CACNA2D4: variants seen among roughly 807,000 people sequenced by gnomAD.
CACNA2D4 encodes the protein calcium voltage-gated channel auxiliary subunit alpha2delta 4, also known as voltage-dependent calcium channel subunit alpha-2/delta-4.
A neutral mutation model predicts 163.8 loss-of-function variants in CACNA2D4; 157 were observed. That is an observed-to-expected ratio of 0.96 (90% confidence interval 0.84 to 1.09). The LOEUF (loss-of-function observed/expected upper bound fraction) is 1.09. Ranked by LOEUF, CACNA2D4 falls within the 50% of genes least tolerant of loss-of-function variation. The pLI is 0.00. For missense variants in CACNA2D4, 1,410 were observed against 1,479.9 expected (o/e 0.95, Z 0.78); for synonymous variants, 598 against 586.9 (o/e 1.02, Z -0.27).
At chr12:1,800,611 A>G in intron 31 of CACNA2D4, 173 bp from the exon 32 acceptor site, 1 of 638,834 alleles carries the variant, frequency 1.6e-6, no homozygotes, top group Non-Finnish European at 2.8e-6. Context: ...CCCACCTCCC[A>G]CCTGCCCTGC....
chr12:1,916,507 G>C (rs1438211557), intron 1 of CACNA2D4, among the ~76,000 whole-genome samples: 1 of 152,214 alleles, frequency 6.6e-6, no homozygotes, highest in Admixed American at 6.5e-5. Flanking sequence ...CTCAAGGAGA[G>C]TGTGCAGCGT....
chr12:1,803,936 G>A lies in CACNA2D4; in HGVS notation c.2722-2292C>T, dbSNP rs545234927. On this transcript the variant is annotated intron_variant, in intron 29 of 37. Coordinates refer to ENST00000382722, the MANE Select transcript of CACNA2D4 (RefSeq NM_172364.5). Reference sequence around the variant, plus strand: ...GCCCTGGCAGGCTGCATGAAAGAAGGCAGTGGACATGGCAGCGGGACAGCA... The same window carrying A: ...GCCCTGGCAGGCTGCATGAAAGAAGACAGTGGACATGGCAGCGGGACAGCA... Among the ~76,000 whole-genome samples the A allele has an allele frequency of 1.2e-4, 18 of 152,294 alleles. No homozygotes were observed. In the South Asian group the frequency reaches 3.7e-3, roughly 32 times the overall value.
Position 1,838,029 on chromosome 12 carries a change from G to A in CACNA2D4, c.2551+2710C>T, listed in dbSNP as rs370498348. Among the ~76,000 whole-genome samples the A allele has an allele frequency of 6.6e-5, 10 of 152,296 alleles. 1 individual carries two copies. The highest frequency in any genetic ancestry group is 4.1e-4 in the South Asian group (2 of 4,828). On this transcript the variant is annotated intron_variant, in intron 26 of 37. Coordinates refer to ENST00000382722, the MANE Select transcript of CACNA2D4 (RefSeq NM_172364.5). Reference sequence around the variant, plus strand: ...TACAAGTCATGCTGGAAGAATGCCCGTCTGCTGGACAATCACTTGCCCGTT... The same window carrying A: ...TACAAGTCATGCTGGAAGAATGCCCATCTGCTGGACAATCACTTGCCCGTT...
intron 13 of CACNA2D4, among the ~76,000 whole-genome samples, chr12:1,881,890 A>C: frequency 6.6e-6 from 1 of 152,242 alleles, no homozygotes; most frequent in Admixed American, 6.5e-5. Context: ...GAGGTAAGTA[A>C]GCATGCCACT....
chr12:1,797,400 G>A lies in CACNA2D4; in HGVS notation c.3113+18C>T, dbSNP rs1234255028. On this transcript the variant is annotated intron_variant, in intron 35 of 37. Transcript: ENST00000382722. ...GGAGGAGTGTGGCGGGACGGGCGGC[G>A]CCGCCCTGCGGTCTTACTTCTGGCA... 7 of 1,503,000 alleles carry A rather than the reference G, an allele frequency of 4.7e-6. No individual in the cohort carries two copies. Among genetic ancestry groups the A allele is most frequent in the Middle Eastern group, 2.0e-4 (1 of 5,052 alleles). 93.1% of individuals were successfully genotyped at this position (1,503,000 alleles called of 1,614,324 possible). A position where few individuals can be genotyped will look rare whatever the true frequency, so the allele number is the denominator to read the frequency against.
Position 1,875,965 on chromosome 12 carries a change from G to A in CACNA2D4, c.1720-628C>T, listed in dbSNP as rs978093018. 4.6e-5 allele frequency among the ~76,000 whole-genome samples: 7 copies of A among 152,268 alleles called. No individual in the cohort carries two copies. Among genetic ancestry groups the A allele is most frequent in the South Asian group, 2.1e-4 (1 of 4,818 alleles). On this transcript the variant is annotated intron_variant, in intron 16 of 37. Transcript: ENST00000382722. The surrounding 1 kb of genome is among the most constrained non-coding windows in gnomAD (Gnocchi z 4.0). ...TCAGGGGGCCCTGACTGCTGCCTGCGGTTCTGCTGTTTTCCTGGCCAGCCG... is the reference window on the plus strand; with the variant it reads ...TCAGGGGGCCCTGACTGCTGCCTGCAGTTCTGCTGTTTTCCTGGCCAGCCG...
chr12:1,834,607 C>T lies in CACNA2D4; in HGVS notation c.2551+6132G>A. 2 of 1,600,092 alleles carry T rather than the reference C, an allele frequency of 1.2e-6. No individual in the cohort carries two copies. Among genetic ancestry groups the T allele is most frequent in the Non-Finnish European group, 8.5e-7 (1 of 1,179,912 alleles). Reference sequence around the variant, plus strand: ...TGGTGGTGGCCGCTGCCTATGGCTGCATCTACGCCTCCCTCATGGCCAAGT... The same window carrying T: ...TGGTGGTGGCCGCTGCCTATGGCTGTATCTACGCCTCCCTCATGGCCAAGT... On this transcript the variant is annotated intron_variant, in intron 26 of 37. Transcript: ENST00000382722. The surrounding 1 kb of genome is among the most constrained non-coding windows in gnomAD (Gnocchi z 7.6).
rs1472296491 is a variant in CACNA2D4, at chr12:1,799,149, G to A, written c.2995+526C>T. Among the ~76,000 whole-genome samples, 1 of 152,208 alleles carries A rather than the reference G, an allele frequency of 6.6e-6. No individual in the cohort carries two copies. Among genetic ancestry groups the A allele is most frequent in the Non-Finnish European group, 1.5e-5 (1 of 68,038 alleles). On this transcript the variant is annotated intron_variant, in intron 34 of 37. Transcript: ENST00000382722. The surrounding 1 kb of genome is among the most constrained non-coding windows in gnomAD (Gnocchi z 4.7). The stretch of plus-strand genomic sequence containing the variant: ...GGGCCCAGGCGCCCGGGCAGTGAGT[G>A]CTTTGAAAGGCCAGGCTCATTGCCG...
chr12:1,808,089 A>C (rs1413637581), intron 29 of CACNA2D4, among the ~76,000 whole-genome samples: 1 of 152,196 alleles, frequency 6.6e-6, no homozygotes, highest in Non-Finnish European at 1.5e-5. Flanking sequence ...ACATGTGAGC[A>C]AATGTGGTCT....
chr12:1,853,971 C>A lies in CACNA2D4; in HGVS notation c.2226G>T (p.Ala742=). The A allele has an allele frequency of 6.2e-7, 1 of 1,613,208 alleles. No individual in the cohort carries two copies. Among genetic ancestry groups the A allele is most frequent in the Non-Finnish European group, 8.5e-7 (1 of 1,179,506 alleles). ...VTAPMEAYWT[A]LALNMSEESE... is the part of the protein sequence containing the mutation. ...CCTACTCGGACATGTTGAGGGCCAG[C>A]GCTGTCCAGTAGGCTTCCATGGGGG... is the stretch of plus-strand genomic sequence containing the variant. Residue 742 remains alanine (A), a synonymous_variant, in exon 23 of 38, where the codon GCG becomes GCT. Coordinates refer to ENST00000382722, the MANE Select transcript of CACNA2D4 (RefSeq NM_172364.5).
intron 22 of CACNA2D4, among the ~76,000 whole-genome samples, chr12:1,855,510 C>T (rs1371046372): frequency 6.6e-6 from 1 of 152,188 alleles, no homozygotes; most frequent in African/African-American, 2.4e-5. Flanking sequence ...AGACAAGGAG[C>T]ACCTGGGGCT....
chr12:1,802,292 C>A lies in CACNA2D4; in HGVS notation c.2722-648G>T, dbSNP rs1396323296. ...ATTGCCCACCTGCCCTCCTAACTGA[C>A]CTCTCCTCTTGTCCCTGTGGCACTG... On this transcript the variant is annotated intron_variant, in intron 29 of 37. Coordinates refer to ENST00000382722, the MANE Select transcript of CACNA2D4 (RefSeq NM_172364.5). The surrounding 1 kb of genome is among the most constrained non-coding windows in gnomAD (Gnocchi z 4.7). Among the ~76,000 whole-genome samples, 1 of 152,182 alleles carries A rather than the reference C, an allele frequency of 6.6e-6. No homozygotes were observed. Among genetic ancestry groups the A allele is most frequent in the Non-Finnish European group, 1.5e-5 (1 of 68,032 alleles).
intron 18 of CACNA2D4, among the ~76,000 whole-genome samples, chr12:1,864,616 G>C (rs1865600560): frequency 6.6e-6 from 1 of 152,206 alleles, no homozygotes; most frequent in African/African-American, 2.4e-5. Flanking sequence ...TGGGCGATGA[G>C]AACGAGGAGG....
rs1437006034 is a variant in CACNA2D4, at chr12:1,918,366, G to A, written c.108C>T (p.Pro36=). 6.2e-7 allele frequency: 1 copy of A among 1,606,452 alleles called. No homozygotes were observed. Among genetic ancestry groups the A allele is most frequent in the African/African-American group, 1.3e-5 (1 of 74,822 alleles). The change falls in exon 1 of 38, where the codon CCC becomes CCT. Residue 36 remains proline (P), a synonymous_variant. Coordinates refer to ENST00000382722, the MANE Select transcript of CACNA2D4 (RefSeq NM_172364.5). ...ANPSSSSRWI[P]LQPMPVAWAF... ...CCCAGGCCACGGGCATTGGCTGGAG[G>A]GGAATCCAGCGGCTGCTGGAGCTGG...
chr12:1,890,069 G>A (rs1203197642), intron 6 of CACNA2D4, among the ~76,000 whole-genome samples: 1 of 152,160 alleles, frequency 6.6e-6, no homozygotes, highest in Non-Finnish European at 1.5e-5. Context: ...TCAATGCAAT[G>A]AAAGGATAAG....
At chr12:1,879,141 C>A in intron 14 of CACNA2D4, 105 bp from the exon 15 acceptor site, 1 of 796,264 alleles carries the variant, frequency 1.3e-6, no homozygotes, top group South Asian at 1.6e-5. Context: ...GCCACTTAGG[C>A]TTTAAGTGGT....
chr12:1,805,268 TG>T (rs1176876247), intron 29 of CACNA2D4, among the ~76,000 whole-genome samples: 4 of 151,556 alleles, frequency 2.6e-5, no homozygotes, highest in Non-Finnish European at 5.9e-5. Context: ...GGGAAGCAGA[TG>T]GGGGCAGAGG....
chr12:1,881,639 C>A lies in CACNA2D4; in HGVS notation c.1485+1228G>T, dbSNP rs146636555. Reference sequence around the variant, plus strand: ...AGCTCAAAGAAGATCCCCTCCTGTCCTCCTTCTCCCCACCCACCTCTCTCT... The same window carrying A: ...AGCTCAAAGAAGATCCCCTCCTGTCATCCTTCTCCCCACCCACCTCTCTCT... On this transcript the variant is annotated intron_variant, in intron 13 of 37. Coordinates refer to ENST00000382722, the MANE Select transcript of CACNA2D4 (RefSeq NM_172364.5). 3.0e-3 allele frequency among the ~76,000 whole-genome samples: 459 copies of A among 152,308 alleles called. 2 individuals are homozygous for A. The highest frequency in any genetic ancestry group is 0.01 in the African/African-American group (417 of 41,568).
Position 1,834,187 on chromosome 12 carries a change from T to C in CACNA2D4, c.2551+6552A>G. On this transcript the variant is annotated intron_variant, in intron 26 of 37. Coordinates refer to ENST00000382722, the MANE Select transcript of CACNA2D4 (RefSeq NM_172364.5). This position sits in a 1 kb window ranked among gnomAD's most constrained non-coding sequence, Gnocchi z 7.6. ...TAAAAACTACCTTCTGGGGCTTCCG[T>C]TTTGGGGAGCTGGGGATGGGGAGAG... 2.0e-6 allele frequency: 3 copies of C among 1,470,384 alleles called. No homozygotes were observed. In the South Asian group the frequency reaches 4.2e-5, roughly 20 times the overall value. 91.1% of individuals were successfully genotyped at this position (1,470,384 alleles called of 1,614,324 possible).
Sources: allele counts gnomAD v4.1 joint callset (sites outside exome capture counted in the v4.1 genomes callset), GRCh38; gene constraint gnomAD v4.1.1; non-coding constraint Gnocchi (gnomAD v3.1); transcripts MANE v1.5; gene names NCBI Gene and HGNC (gene_info 2026-07-23, HGNC 2026-07-21).